COL4A2: variants seen among roughly 807,000 people sequenced by gnomAD.
COL4A2 encodes the protein collagen type IV alpha 2 chain, also known as collagen alpha-2(IV) chain.
Under a neutral mutation model 200.2 loss-of-function variants are expected in COL4A2, and 99 were observed. That is an observed-to-expected ratio of 0.49 (90% CI 0.42 to 0.58). The LOEUF (loss-of-function observed/expected upper bound fraction) is 0.58. Among genes scored for constraint, COL4A2 ranks in the 20% least tolerant of loss-of-function variants. The pLI is 0.00. For missense variants in COL4A2, 1,950 were observed against 2,314.1 expected, an observed-to-expected ratio of 0.84 and a Z score of 3.23; for synonymous variants, 897 against 900.6, an observed-to-expected ratio of 1.00 and a Z score of 0.07.
At chr13:110,320,224 G>C (rs1445818117) in intron 3 of COL4A2, among the ~76,000 whole-genome samples, 1 of 152,216 alleles carries the variant, frequency 6.6e-6, no homozygotes, top group South Asian at 2.1e-4. Flanking sequence ...GGCTAGGCGG[G>C]GCTGGCGGGT....
intron 22 of COL4A2, among the ~76,000 whole-genome samples, chr13:110,461,626 C>G (rs1196109182): frequency 6.6e-6 from 1 of 152,120 alleles, no homozygotes; most frequent in Admixed American, 6.5e-5. Flanking sequence ...TTTCAAGTGA[C>G]TCTCCTGCCT....
intron 18 of COL4A2, among the ~76,000 whole-genome samples, chr13:110,447,848 G>T (rs1881389905): frequency 6.6e-6 from 1 of 152,130 alleles, no homozygotes. Flanking sequence ...AGGTCACCTG[G>T]TCTCCCTGTC....
chr13:110,475,007 TAC>T (rs1302504897), intron 29 of COL4A2, among the ~76,000 whole-genome samples: 5 of 146,186 alleles, frequency 3.4e-5, no homozygotes, highest in Admixed American at 6.8e-5. Context: ...CACATGATCG[TAC>T]ACTCATACAC....
At chr13:110,367,208 C>T (rs1424842509) in intron 4 of COL4A2, among the ~76,000 whole-genome samples, 1 of 152,184 alleles carries the variant, frequency 6.6e-6, no homozygotes, top group Non-Finnish European at 1.5e-5. Context: ...GTATCTAAAA[C>T]ACTGTTGGGG....
intron 40 of COL4A2, among the ~76,000 whole-genome samples, chr13:110,498,109 T>G (rs1207041658): frequency 1.3e-5 from 2 of 152,256 alleles, no homozygotes; most frequent in East Asian, 1.9e-4. Context: ...GTTCTTGTTC[T>G]GCGTCTCACG....
chr13:110,465,432 G>C lies in COL4A2; in HGVS notation c.1804G>C (p.Asp602His), dbSNP rs1882199405. ...PGDGIKGPPG[D>H]PGYPGIPGTK... ...TGATGGCATCAAGGGCCCTCCAGGG[G>C]ACCCAGGCTATCCAGGAATACCTGG... Residue 602 changes from aspartate to histidine, a missense_variant, in exon 25 of 48, where the codon GAC (aspartate) becomes CAC (histidine). This residue lies in a region of COL4A2 where 1,385 missense variants were observed against 1,720.5 expected (regional missense o/e 0.80). Transcript: ENST00000360467. The C allele has an allele frequency of 6.2e-7, 1 of 1,613,522 alleles. No individual in the cohort carries two copies. The highest frequency in any genetic ancestry group is 1.1e-5 in the South Asian group (1 of 91,060).
At chr13:110,376,488 A>G (rs1282198161) in intron 4 of COL4A2, among the ~76,000 whole-genome samples, 1 of 152,168 alleles carries the variant, frequency 6.6e-6, no homozygotes. Context: ...CCAAAAAAAA[A>G]TCACTATTTT....
intron 3 of COL4A2, among the ~76,000 whole-genome samples, chr13:110,356,398 G>A (rs1413139993): frequency 6.6e-6 from 1 of 152,184 alleles, no homozygotes; most frequent in Non-Finnish European, 1.5e-5. Context: ...AAGTGATATC[G>A]GTGGTGCAGA....
chr13:110,461,835 A>G (rs1882037794), intron 22 of COL4A2, among the ~76,000 whole-genome samples: 1 of 152,186 alleles, frequency 6.6e-6, no homozygotes. Flanking sequence ...GCGCCCGGCC[A>G]CATTGTAATT....
intron 20 of COL4A2, among the ~76,000 whole-genome samples, chr13:110,455,200 T>C (rs1366404707): frequency 6.6e-6 from 1 of 152,178 alleles, no homozygotes; most frequent in African/African-American, 2.4e-5. Context: ...TGATGCCCTT[T>C]AATGGCTTCC....
At chr13:110,313,117 A>G (rs942573796) in intron 3 of COL4A2, among the ~76,000 whole-genome samples, 1 of 152,122 alleles carries the variant, frequency 6.6e-6, no homozygotes, top group Non-Finnish European at 1.5e-5. Context: ...TTTTATCTTC[A>G]CGGTGTCGAG....
At chr13:110,375,766 G>T (rs1878210331) in intron 4 of COL4A2, among the ~76,000 whole-genome samples, 1 of 151,990 alleles carries the variant, frequency 6.6e-6, no homozygotes, top group African/African-American at 2.4e-5. Flanking sequence ...GGAGTCGGAG[G>T]CTGCAGTGAG....
intron 30 of COL4A2, among the ~76,000 whole-genome samples, chr13:110,479,835 C>T (rs557836711): frequency 1.5e-4 from 23 of 152,276 alleles, no homozygotes; most frequent in African/African-American, 5.1e-4. Flanking sequence ...GGACTAACTC[C>T]GGGCTGGAGC....
At position 110,512,290 on chromosome 13, in the gene COL4A2, A is replaced by C. The variant is rs569010018; in HGVS notation, c.*99A>C. 1.4e-4 allele frequency: 199 copies of C among 1,454,798 alleles called. No homozygotes were observed. Among genetic ancestry groups the C allele is most frequent in the Non-Finnish European group, 1.7e-4 (189 of 1,110,332 alleles). The allele number at this position is 1,454,798 out of a possible 1,614,324, so 90.1% of individuals were successfully genotyped here. On this transcript the variant is annotated 3_prime_UTR_variant, in exon 48 of 48. Transcript: ENST00000360467. ...GGTTTTATTTTTTTCTTAAAAAAAAAAAAGTCTACCAAAGGAATTTGCATC... is the reference window on the plus strand; with the variant it reads ...GGTTTTATTTTTTTCTTAAAAAAAACAAAGTCTACCAAAGGAATTTGCATC...
chr13:110,369,080 C>T (rs929007215), intron 4 of COL4A2, among the ~76,000 whole-genome samples: 73 of 152,020 alleles, frequency 4.8e-4, no homozygotes, highest in African/African-American at 1.7e-3. Context: ...CGTGGTGGCA[C>T]GCCACCTGTA....
At chr13:110,507,338 A>T (rs1163190577) in intron 46 of COL4A2, 1 of 153,458 alleles carries the variant, frequency 6.5e-6, no homozygotes, top group Non-Finnish European at 1.5e-5. Flanking sequence ...GATAAGGGCC[A>T]AAAATAGATC....
intron 4 of COL4A2, among the ~76,000 whole-genome samples, chr13:110,381,832 T>C (rs1183714844): frequency 6.6e-6 from 1 of 152,212 alleles, no homozygotes; most frequent in African/African-American, 2.4e-5. Context: ...TTATTATTAG[T>C]CTAAAATGGT....
intron 4 of COL4A2, among the ~76,000 whole-genome samples, chr13:110,411,442 T>G (rs1395774050): frequency 1.3e-5 from 2 of 152,204 alleles, no homozygotes; most frequent in Admixed American, 1.3e-4. Flanking sequence ...TCCAGGGGCC[T>G]CCTCTGCATA....
In COL4A2 at chr13:110,485,026, A is replaced by T; in HGVS notation, c.3024A>T (p.Lys1008Asn). 6.3e-7 allele frequency: 1 copy of T among 1,594,632 alleles called. No homozygotes were observed. Among genetic ancestry groups the T allele is most frequent in the Non-Finnish European group, 8.6e-7 (1 of 1,166,722 alleles). ...PMGLKGYLGA[K>N]GIQGMPGIPG... ...GGCTGAAAGGATACCTGGGCGCAAA[A>T]GGTGAGGCTTCTGACCTGCAGCCAG... The change falls in exon 33 of 48, where the codon AAA becomes AAT. Residue 1008 changes from lysine to asparagine, a missense_variant and splice_region_variant. Physicochemically the swap from Lys to Asn is moderately conservative, Grantham distance 94 (BLOSUM62 0). Around this residue, in one of 2 missense-constraint regions of COL4A2, gnomAD observed 1,385 missense variants for 1,720.5 expected, o/e 0.80. Transcript: ENST00000360467.
Sources: gnomAD v4.1 joint callset for allele counts (sites outside exome capture counted in the v4.1 genomes callset) on GRCh38, gnomAD v4.1.1 for gene constraint, gnomAD v4.1.1 regional missense constraint, MANE v1.5 for transcripts, NCBI Gene and HGNC (gene_info 2026-07-23, HGNC 2026-07-21) for gene names.